Variants in PKN2 observed in about 807,000 individuals in gnomAD.
The protein encoded by PKN2 is serine/threonine-protein kinase N2.
In PKN2, 38 loss-of-function variants were observed where a neutral mutation model predicts 119.1. The ratio of observed to expected loss-of-function variants is 0.32; its 90% CI spans 0.25 to 0.42. The LOEUF (loss-of-function observed/expected upper bound fraction) is 0.42, where lower values mean the gene tolerates loss of function less well. PKN2 is among the 10% of genes least tolerant of loss of function. The pLI, the probability that PKN2 is intolerant of heterozygous loss-of-function variation, is 1.00. For missense variants in PKN2, 850 were observed against 1,165.1 expected (o/e 0.73, Z 3.94); for synonymous variants, 390 against 384.9 (o/e 1.01, Z -0.15).
intron 6 of PKN2, among the ~76,000 whole-genome samples, chr1:88,781,491 A>G (rs993303387): frequency 2.0e-5 from 3 of 152,126 alleles, no homozygotes; most frequent in Admixed American, 6.6e-5. Context: ...AATGCAATTC[A>G]TAGTTATTAC....
intron 6 of PKN2, chr1:88,781,077 A>T: frequency 8.5e-7 from 1 of 1,182,928 alleles, no homozygotes; most frequent in Non-Finnish European, 1.1e-6. Context: ...TGGACCATAA[A>T]CTAAATTTTA....
chr1:88,724,886 T>G (rs2100713736), intron 1 of PKN2, among the ~76,000 whole-genome samples: 1 of 145,536 alleles, frequency 6.9e-6, no homozygotes. Context: ...CCCTTGGTTT[T>G]TTTTTTTTTT....
intron 8 of PKN2, among the ~76,000 whole-genome samples, chr1:88,786,763 C>T (rs182474998): frequency 2.0e-5 from 3 of 152,046 alleles, no homozygotes; most frequent in South Asian, 2.1e-4. Context: ...AATATTAAAA[C>T]GTAATCGTAA....
chr1:88,822,345 T>A (rs974404826), intron 17 of PKN2, among the ~76,000 whole-genome samples: 3 of 152,180 alleles, frequency 2.0e-5, no homozygotes, highest in Non-Finnish European at 2.9e-5. Flanking sequence ...AACGTGTCCA[T>A]GATGAGACAA....
chr1:88,833,541 G>C lies in PKN2; in HGVS notation c.*93G>C. On this transcript the variant is annotated 3_prime_UTR_variant, in exon 22 of 22. Coordinates refer to ENST00000370521, the MANE Select transcript of PKN2 (RefSeq NM_006256.4). ...GCTCTCTGTGCCACCAATAGCTTCT[G>C]AGTTTTTTGTTGTTGTTGTTTTTAT... 1 of 911,492 alleles carries C rather than the reference G, an allele frequency of 1.1e-6. No homozygotes were observed. The highest frequency in any genetic ancestry group is 1.6e-5 in the South Asian group (1 of 64,328). The allele number at this position is 911,492 out of a possible 1,614,324, so 56.5% of individuals were successfully genotyped here.
chr1:88,689,988 T>C (rs984329342), intron 1 of PKN2, among the ~76,000 whole-genome samples: 2 of 152,272 alleles, frequency 1.3e-5, no homozygotes, highest in African/African-American at 2.4e-5. Context: ...TTAAACATAC[T>C]AAATAACTTT....
intron 4 of PKN2, 54 bp from the exon 5 acceptor site, chr1:88,771,367 G>A (rs1475159494): frequency 3.4e-5 from 48 of 1,399,632 alleles, no homozygotes; most frequent in Non-Finnish European, 4.4e-5. Flanking sequence ...TTTAATCACT[G>A]CAAATTGGAA....
intron 18 of PKN2, 128 bp from the exon 19 acceptor site, chr1:88,828,353 A>G: frequency 1.5e-6 from 1 of 678,638 alleles, no homozygotes; most frequent in Non-Finnish European, 2.5e-6. Context: ...TGTCTTAGAT[A>G]TGTCTGAATT....
chr1:88,690,106 T>G (rs1468323734), intron 1 of PKN2, among the ~76,000 whole-genome samples: 1 of 152,180 alleles, frequency 6.6e-6, no homozygotes. Flanking sequence ...GTAATAGAGA[T>G]TAGGTCTAGT....
At chr1:88,778,521 T>C (rs1670198028) in intron 6 of PKN2, among the ~76,000 whole-genome samples, 1 of 152,186 alleles carries the variant, frequency 6.6e-6, no homozygotes, top group Non-Finnish European at 1.5e-5. Flanking sequence ...TTCCCAATAA[T>C]ATGTAGAAGC....
intron 6 of PKN2, among the ~76,000 whole-genome samples, chr1:88,784,420 C>T (rs1330273852): frequency 6.6e-6 from 1 of 152,008 alleles, no homozygotes; most frequent in Non-Finnish European, 1.5e-5. Context: ...CCAGGAGGTG[C>T]TGTTCTTTTC....
chr1:88,752,019 G>C (rs960573094), intron 2 of PKN2, among the ~76,000 whole-genome samples: 2 of 151,968 alleles, frequency 1.3e-5, no homozygotes, highest in Admixed American at 1.3e-4. Flanking sequence ...CGTAGATTTC[G>C]TTTCATTTGA....
chr1:88,685,130 C>T (rs2100633365), intron 1 of PKN2: 1 of 154,190 alleles, frequency 6.5e-6, no homozygotes, highest in East Asian at 1.9e-4. Flanking sequence ...AACTTCCAGC[C>T]CCTAGACAAG....
intron 1 of PKN2, among the ~76,000 whole-genome samples, chr1:88,718,056 C>T (rs1173638402): frequency 6.6e-6 from 1 of 152,212 alleles, no homozygotes; most frequent in East Asian, 1.9e-4. Context: ...TCAGGAGCCT[C>T]AGCTGCAGGT....
Position 88,827,277 on chromosome 1 carries a change from G to T in PKN2, c.2420-1204G>T, listed in dbSNP as rs75925995. ...GTTAGCCAAAATGTTAATACAGGCT[G>T]AGTATCCCTTATCCAAAATGCTTAG... On this transcript the variant is annotated intron_variant, in intron 18 of 21. Coordinates refer to ENST00000370521, the MANE Select transcript of PKN2 (RefSeq NM_006256.4). Among the ~76,000 whole-genome samples, 772 of 152,170 alleles carry T rather than the reference G, an allele frequency of 5.1e-3. 3 individuals are homozygous for T. Among genetic ancestry groups the T allele is most frequent in the African/African-American group, 0.018 (727 of 41,518 alleles).
intron 1 of PKN2, among the ~76,000 whole-genome samples, chr1:88,708,617 CT>C (rs769170898): frequency 0.096 from 11,339 of 118,440 alleles, 511 homozygotes; most frequent in African/African-American, 0.15. Flanking sequence ...ACACATAAAA[CT>C]TTTTTTTTTT....
intron 16 of PKN2, among the ~76,000 whole-genome samples, chr1:88,815,960 T>C (rs147865180): frequency 0.019 from 2,950 of 152,010 alleles, 94 homozygotes; most frequent in African/African-American, 0.066. Flanking sequence ...GCCAACATGG[T>C]GAAACCCTGT....
chr1:88,737,027 C>T (rs1173164685), intron 1 of PKN2, among the ~76,000 whole-genome samples: 1 of 152,112 alleles, frequency 6.6e-6, no homozygotes, highest in Non-Finnish European at 1.5e-5. Context: ...TACCTGTTCC[C>T]CTCTCATTCT....
At chr1:88,767,576 C>G (rs893118867) in intron 3 of PKN2, among the ~76,000 whole-genome samples, 1 of 152,114 alleles carries the variant, frequency 6.6e-6, no homozygotes, top group African/African-American at 2.4e-5. Flanking sequence ...TGTAACTATA[C>G]TGAATACTGT....
Sources: gnomAD v4.1 joint callset for allele counts (sites outside exome capture counted in the v4.1 genomes callset) on GRCh38, gnomAD v4.1.1 for gene constraint, MANE v1.5 for transcripts, NCBI Gene and HGNC (gene_info 2026-07-23, HGNC 2026-07-21) for gene names.